The following NPR3 variants were observed in gnomAD, a reference collection of about 807,000 sequenced individuals.
The protein encoded by NPR3 is atrial natriuretic peptide receptor 3.
Under a neutral mutation model 54.5 loss-of-function variants are expected in NPR3, and 34 were observed. That is an observed-to-expected ratio of 0.62 (90% confidence interval 0.47 to 0.83). NPR3 has a LOEUF of 0.83. Among genes scored for constraint, NPR3 ranks in the 40% least tolerant of loss-of-function variants. The probability of loss-of-function intolerance (pLI) is 0.00; values close to 1 mark genes in which losing one functional copy is unlikely to be tolerated. For synonymous variants in NPR3, 289 were observed against 297.1 expected, an observed-to-expected ratio of 0.97 and a Z score of 0.28; for missense variants, 674 against 720.8, an observed-to-expected ratio of 0.94 and a Z score of 0.74.
At chr5:32,778,843 G>A (rs984960212) in intron 4 of NPR3, among the ~76,000 whole-genome samples, 1 of 152,146 alleles carries the variant, frequency 6.6e-6, no homozygotes. Flanking sequence ...AAAATACTCT[G>A]CAAAATGCTT....
intron 3 of NPR3, among the ~76,000 whole-genome samples, chr5:32,755,850 G>T (rs960102841): frequency 6.6e-6 from 1 of 152,124 alleles, no homozygotes; most frequent in South Asian, 2.1e-4. Context: ...GAGAACATGC[G>T]GTGTTTGGTT....
At position 32,693,960 on chromosome 5, in the gene NPR3, G is replaced by A. The variant is rs116478124; in HGVS notation, c.100+4774G>A. Among the ~76,000 whole-genome samples the A allele has an allele frequency of 3.4e-3, 517 of 152,254 alleles. 2 individuals carry two copies. The highest frequency in any genetic ancestry group is 0.011 in the African/African-American group (471 of 41,542). On this transcript the variant is annotated intron_variant, in intron 1 of 5. Transcript: ENST00000509104. ...CTTCGTCCTCAAAGTCCTGCCCCTT[G>A]CATAGCCACTTTTATTTTCACCCTT...
intron 2 of NPR3, among the ~76,000 whole-genome samples, chr5:32,727,480 T>C (rs1473069937): frequency 1.3e-5 from 2 of 152,254 alleles, no homozygotes; most frequent in African/African-American, 4.8e-5. Context: ...CAGCAAAGTA[T>C]GTGATTATCT....
At chr5:32,719,003 T>A (rs563377077) in intron 1 of NPR3, among the ~76,000 whole-genome samples, 2 of 152,328 alleles carry the variant, frequency 1.3e-5, no homozygotes, top group South Asian at 4.1e-4. Flanking sequence ...CATAAATAGC[T>A]CTTAGTATTT....
At chr5:32,739,062 G>T (rs1168633084) in intron 3 of NPR3, 32 bp downstream of exon 3, 16 of 1,600,710 alleles carry the variant, frequency 1.0e-5, no homozygotes, top group Non-Finnish European at 1.3e-5. Flanking sequence ...TAGACCTTTA[G>T]CATCCTGAAA....
intron 2 of NPR3, among the ~76,000 whole-genome samples, chr5:32,725,637 T>G (rs568756576): frequency 1.3e-5 from 2 of 152,356 alleles, no homozygotes; most frequent in East Asian, 3.9e-4. Context: ...TGGAATAGAC[T>G]AGAACATAAC....
chr5:32,735,534 C>A (rs529035665), intron 2 of NPR3, among the ~76,000 whole-genome samples: 1 of 150,282 alleles, frequency 6.7e-6, no homozygotes, highest in Admixed American at 6.6e-5. Context: ...ATCCCAAGAA[C>A]CATTTTTAGC....
At chr5:32,740,327 C>T (rs936921339) in intron 3 of NPR3, among the ~76,000 whole-genome samples, 2 of 152,176 alleles carry the variant, frequency 1.3e-5, no homozygotes, top group African/African-American at 2.4e-5. Context: ...AAGCATTTAA[C>T]GCTATCCCTG....
intron 1 of NPR3, among the ~76,000 whole-genome samples, chr5:32,700,083 G>T (rs183108995): frequency 4.6e-5 from 7 of 152,248 alleles, no homozygotes; most frequent in African/African-American, 1.4e-4. Context: ...GAGCTCCATT[G>T]TATGTTATTT....
chr5:32,711,979 C>T lies in NPR3; in HGVS notation c.203C>T (p.Ser68Leu). The T allele has an allele frequency of 6.2e-7, 1 of 1,607,876 alleles. No homozygotes were observed. The highest frequency in any genetic ancestry group is 8.5e-7 in the Non-Finnish European group (1 of 1,176,980). Reference protein sequence around the residue: ...LLPQDDSYLFSLTRVRPAIEY... With the variant: ...LLPQDDSYLFLLTRVRPAIEY... ...CCCCAGGATGACTCGTACTTGTTTTCACTCACCCGGGTGCGGCCGGCCATC... is the reference window on the plus strand; with the variant it reads ...CCCCAGGATGACTCGTACTTGTTTTTACTCACCCGGGTGCGGCCGGCCATC... The change falls in exon 1 of 8, where the codon TCA becomes TTA. Residue 68 changes from serine to leucine, a missense_variant. Physicochemically the swap from Ser to Leu is moderately radical, Grantham distance 145 (BLOSUM62 -2). Coordinates refer to ENST00000265074, the MANE Select transcript of NPR3 (RefSeq NM_001204375.2).
At chr5:32,697,754 C>T (rs113695566) in intron 1 of NPR3, among the ~76,000 whole-genome samples, 10,859 of 152,072 alleles carry the variant, frequency 0.071, 1,247 homozygotes, top group African/African-American at 0.25. Context: ...TCCATTTCTT[C>T]TAGATTTTCC....
intron 1 of NPR3, chr5:32,713,242 G>C: frequency 1.0e-6 from 1 of 985,464 alleles, no homozygotes; most frequent in Non-Finnish European, 1.2e-6. Context: ...CCAGAGCTAA[G>C]CTTTGCGGGA....
At chr5:32,728,739 T>C (rs1739260123) in intron 2 of NPR3, among the ~76,000 whole-genome samples, 1 of 149,610 alleles carries the variant, frequency 6.7e-6, no homozygotes, top group Admixed American at 6.7e-5. Flanking sequence ...AAAATATAAG[T>C]TGAAAATCAA....
intron 1 of NPR3, among the ~76,000 whole-genome samples, chr5:32,693,451 C>T (rs146034924): frequency 0.016 from 2,497 of 152,144 alleles, 41 homozygotes; most frequent in Non-Finnish European, 0.022. Context: ...AACTCCCTTA[C>T]GGAGTTTACA....
At chr5:32,756,365 A>T (rs1740840411) in intron 3 of NPR3, among the ~76,000 whole-genome samples, 1 of 152,062 alleles carries the variant, frequency 6.6e-6, no homozygotes, top group Non-Finnish European at 1.5e-5. Flanking sequence ...GATGATGAGC[A>T]TTTTTTCATG....
chr5:32,777,139 G>T (rs1057049454), intron 4 of NPR3, among the ~76,000 whole-genome samples: 1 of 152,258 alleles, frequency 6.6e-6, no homozygotes, highest in Non-Finnish European at 1.5e-5. Context: ...GGACCTGCAA[G>T]CCTTGCTGAG....
chr5:32,724,565 C>G, intron 1 of NPR3, 133 bp from the exon 2 acceptor site: 4 of 1,009,616 alleles, frequency 4.0e-6, no homozygotes, highest in Non-Finnish European at 5.8e-6. Flanking sequence ...TTGTAGTTAA[C>G]AAGTGATTGT....
At chr5:32,749,072 A>G (rs1189094037) in intron 3 of NPR3, among the ~76,000 whole-genome samples, 2 of 152,088 alleles carry the variant, frequency 1.3e-5, no homozygotes, top group Non-Finnish European at 2.9e-5. Context: ...CCTGTATACA[A>G]TATTTTATCT....
intron 3 of NPR3, among the ~76,000 whole-genome samples, chr5:32,763,166 C>A (rs1026915252): frequency 2.6e-5 from 4 of 152,068 alleles, no homozygotes; most frequent in Admixed American, 6.5e-5. Flanking sequence ...ATTTCTGAGG[C>A]CTCTGTTCTG....
Sources: allele counts gnomAD v4.1 joint callset (sites outside exome capture counted in the v4.1 genomes callset), GRCh38; gene constraint gnomAD v4.1.1; transcripts MANE v1.5; gene names NCBI Gene and HGNC (gene_info 2026-07-23, HGNC 2026-07-21).